The following HDAC4 variants were observed in gnomAD, a reference collection of about 807,000 sequenced individuals.
HDAC4 encodes histone deacetylase A.
Under a neutral mutation model 135.1 loss-of-function variants are expected in HDAC4, and 16 were observed. The ratio of observed to expected loss-of-function variants is 0.12; its 90% CI spans 0.08 to 0.18. HDAC4 has a LOEUF of 0.18. Among genes scored for constraint, HDAC4 ranks in the 10% least tolerant of loss-of-function variants. The probability of loss-of-function intolerance (pLI) is 1.00; values close to 1 mark genes in which losing one functional copy is unlikely to be tolerated. For synonymous variants in HDAC4, 685 were observed against 653.4 expected (o/e 1.05, Z -0.74); for missense variants, 1,143 against 1,511.8 (o/e 0.76, Z 4.05).
intron 2 of HDAC4, among the ~76,000 whole-genome samples, chr2:239,295,835 T>A (rs1230484760): frequency 2.0e-5 from 3 of 152,172 alleles, no homozygotes; most frequent in African/African-American, 7.2e-5. Flanking sequence ...GGCAGCTGTC[T>A]CTCCAAACCA....
At chr2:239,202,249 T>C (rs994933919) in intron 3 of HDAC4, among the ~76,000 whole-genome samples, 1 of 152,210 alleles carries the variant, frequency 6.6e-6, no homozygotes, top group African/African-American at 2.4e-5. Flanking sequence ...TGCAGGATGG[T>C]ATTTGTCAGG....
In HDAC4 at chr2:239,175,041, C is replaced by T. The variant is rs7564271; in HGVS notation, c.490+1372G>A. Among the ~76,000 whole-genome samples, 984 of 152,270 alleles carry T rather than the reference C, an allele frequency of 6.5e-3. 9 individuals are homozygous for T. Among genetic ancestry groups the T allele is most frequent in the African/African-American group, 0.023 (948 of 41,530 alleles). Reference sequence around the variant, plus strand: ...TGGGCCAGCCCTACAAGAGTAAATCCCTCTACTCTCCTTACCTGGAATCCT... The same window carrying T: ...TGGGCCAGCCCTACAAGAGTAAATCTCTCTACTCTCCTTACCTGGAATCCT... On this transcript the variant is annotated intron_variant, in intron 5 of 26. Coordinates refer to ENST00000543185, the MANE Select transcript of HDAC4 (RefSeq NM_001378414.1).
chr2:239,352,930 G>A lies in HDAC4; in HGVS notation c.-219-12C>T, dbSNP rs116343953. 31,997 of 571,694 alleles carry A rather than the reference G, an allele frequency of 0.056. 1,162 individuals are homozygous for A. Among genetic ancestry groups the A allele is most frequent in the Non-Finnish European group, 0.073 (23,392 of 318,972 alleles). The allele number at this position is 571,694 out of a possible 1,614,324, so 35.4% of individuals were successfully genotyped here. On this transcript the variant is annotated splice_polypyrimidine_tract_variant and intron_variant, in intron 1 of 26. Coordinates refer to ENST00000543185, the MANE Select transcript of HDAC4 (RefSeq NM_001378414.1). This position sits in a 1 kb window ranked among gnomAD's most constrained non-coding sequence, Gnocchi z 4.4. ...TTCTGCAGATGAACCTGCAAGGTCA[G>A]AAGGAGAAAAGAGACTGGAGTTACA... is the stretch of plus-strand genomic sequence containing the variant.
intron 17 of HDAC4, among the ~76,000 whole-genome samples, chr2:239,090,691 G>A (rs956596068): frequency 2.0e-5 from 3 of 151,424 alleles, no homozygotes; most frequent in African/African-American, 7.3e-5. Flanking sequence ...CTTACGTGAC[G>A]CTCAAAGGAA....
intron 8 of HDAC4, among the ~76,000 whole-genome samples, chr2:239,142,697 CCT>C (rs986660968): frequency 1.3e-5 from 2 of 151,158 alleles, no homozygotes; most frequent in African/African-American, 2.4e-5. Flanking sequence ...CTGATCATGC[CCT>C]GTCACACATG....
chr2:239,312,563 TG>T (rs2052934374), intron 2 of HDAC4, among the ~76,000 whole-genome samples: 1 of 152,242 alleles, frequency 6.6e-6, no homozygotes, highest in Admixed American at 6.5e-5. Context: ...ACGCTAAGAA[TG>T]GGCTGCTGGG....
At chr2:239,073,777 G>A (rs2034447646) in intron 22 of HDAC4, among the ~76,000 whole-genome samples, 2 of 152,186 alleles carry the variant, frequency 1.3e-5, no homozygotes, top group Admixed American at 1.3e-4. Context: ...CGCAGGGCTG[G>A]GAGGGGAGAA....
At chr2:239,073,116 G>A (rs543371785) in intron 22 of HDAC4, among the ~76,000 whole-genome samples, 10 of 152,278 alleles carry the variant, frequency 6.6e-5, no homozygotes, top group South Asian at 2.1e-4. Context: ...CCAAACATGC[G>A]TCAAATCCAC....
rs1422807235 is a variant in HDAC4 at position 239,351,962 on chromosome 2, G to A, written c.22+716C>T. On this transcript the variant is annotated intron_variant, in intron 2 of 26. Transcript: ENST00000543185. ...GAGCCCCACACTCAGGCAGGTCGGC[G>A]GCAGGCCTCGAGGTTTCATTATGGT... Among the ~76,000 whole-genome samples, 6 of 152,074 alleles carry A rather than the reference G, an allele frequency of 3.9e-5. No individual in the cohort carries two copies. The East Asian group carries it at 5.8e-4, about 15-fold the overall frequency.
chr2:239,149,217 C>T (rs867010843), intron 7 of HDAC4, among the ~76,000 whole-genome samples: 26 of 152,098 alleles, frequency 1.7e-4, no homozygotes, highest in African/African-American at 6.0e-4. Context: ...GCGTGGCCAA[C>T]ATGGTGAAAC....
chr2:239,238,612 G>A (rs2153185529), intron 2 of HDAC4, among the ~76,000 whole-genome samples: 1 of 152,312 alleles, frequency 6.6e-6, no homozygotes, highest in African/African-American at 2.4e-5. Context: ...CAGCAGCGGT[G>A]GGGCCAGAGT....
chr2:239,136,122 G>A (rs1219187232), intron 9 of HDAC4, among the ~76,000 whole-genome samples: 2 of 152,224 alleles, frequency 1.3e-5, no homozygotes, highest in Admixed American at 6.5e-5. Flanking sequence ...GGCAAACAAA[G>A]AGAAGGAATA....
Position 239,053,028 on chromosome 2 carries a change from G to C in HDAC4, c.*69C>G. 1.3e-6 allele frequency: 2 copies of C among 1,584,792 alleles called. No homozygotes were observed. The highest frequency in any genetic ancestry group is 2.2e-5 in the East Asian group (1 of 44,722). ...CCACGGTGGGACGCAGGCGTGACACGGGAAAGTTTCTTGGCTGAGCTTCAA... is the reference window on the plus strand; with the variant it reads ...CCACGGTGGGACGCAGGCGTGACACCGGAAAGTTTCTTGGCTGAGCTTCAA... On this transcript the variant is annotated 3_prime_UTR_variant, in exon 27 of 27. Transcript: ENST00000543185.
intron 7 of HDAC4, among the ~76,000 whole-genome samples, chr2:239,153,809 C>A (rs2042259377): frequency 6.6e-6 from 1 of 152,208 alleles, no homozygotes. Flanking sequence ...TTCCAATCAT[C>A]CCCAGAGAAA....
At chr2:239,398,786 A>G (rs1002935708) in intron 1 of HDAC4, among the ~76,000 whole-genome samples, 4 of 152,200 alleles carry the variant, frequency 2.6e-5, no homozygotes, top group Admixed American at 2.6e-4. Context: ...TTCCAGGCCC[A>G]TATGCAGTCC....
At chr2:239,197,948 GATTCA>G (rs1409517770) in intron 3 of HDAC4, among the ~76,000 whole-genome samples, 1 of 150,550 alleles carries the variant, frequency 6.6e-6, no homozygotes, top group Non-Finnish European at 1.5e-5. Flanking sequence ...CCACCTCCCG[GATTCA>G]AATGATTCTC....
intron 17 of HDAC4, among the ~76,000 whole-genome samples, chr2:239,093,733 G>T (rs1283028961): frequency 1.3e-5 from 2 of 152,180 alleles, no homozygotes; most frequent in Non-Finnish European, 2.9e-5. Flanking sequence ...ACTTGGGAGG[G>T]GCTGCTGGGC....
chr2:239,068,650 G>C lies in HDAC4; in HGVS notation c.2751-43C>G. On this transcript the variant is annotated intron_variant, in intron 22 of 26. Coordinates refer to ENST00000543185, the MANE Select transcript of HDAC4 (RefSeq NM_001378414.1). The surrounding 1 kb of genome is among the most constrained non-coding windows in gnomAD (Gnocchi z 4.4). Reference sequence around the variant, plus strand: ...AGGCGTTACTGGGTCAGCTGAAAGAGGGACGGGACGGTCACAAAACCCCAA... The same window carrying C: ...AGGCGTTACTGGGTCAGCTGAAAGACGGACGGGACGGTCACAAAACCCCAA... 1 of 1,520,288 alleles carries C rather than the reference G, an allele frequency of 6.6e-7. No individual in the cohort carries two copies. Among genetic ancestry groups the C allele is most frequent in the Non-Finnish European group, 9.1e-7 (1 of 1,095,108 alleles). The allele number at this position is 1,520,288 out of a possible 1,614,324, so 94.2% of individuals were successfully genotyped here.
chr2:239,097,388 C>A (rs1164194920), intron 16 of HDAC4, among the ~76,000 whole-genome samples: 1 of 152,258 alleles, frequency 6.6e-6, no homozygotes, highest in Admixed American at 6.5e-5. Flanking sequence ...GGGCCTACTT[C>A]CTCCGTGTCC....
Sources: gnomAD v4.1 joint callset for allele counts (sites outside exome capture counted in the v4.1 genomes callset) on GRCh38, gnomAD v4.1.1 for gene constraint, Gnocchi (gnomAD v3.1) non-coding constraint, MANE v1.5 for transcripts, NCBI Gene and HGNC (gene_info 2026-07-23, HGNC 2026-07-21) for gene names.